The following CADM3 variants were observed in gnomAD, a reference collection of about 807,000 sequenced individuals.
CADM3 encodes the protein TSLC1-like 1.
Under a neutral mutation model 44.9 loss-of-function variants are expected in CADM3, and 11 were observed. The observed-to-expected ratio is 0.25, with a 90% CI of 0.15 to 0.41. The LOEUF (loss-of-function observed/expected upper bound fraction) is 0.41, where lower values mean the gene tolerates loss of function less well. CADM3 is among the 10% of genes least tolerant of loss of function. The pLI, the probability that CADM3 is intolerant of heterozygous loss-of-function variation, is 1.00. For synonymous variants in CADM3, 207 were observed against 205.2 expected (o/e 1.01, Z -0.08); for missense variants, 426 against 512.0 (o/e 0.83, Z 1.62).
chr1:159,173,088 TG>T (rs1648881692), intron 1 of CADM3, among the ~76,000 whole-genome samples: 1 of 149,304 alleles, frequency 6.7e-6, no homozygotes, highest in Non-Finnish European at 1.5e-5. Flanking sequence ...CAAAGGGAAG[TG>T]GGGAGAGTGA....
At chr1:159,193,729 T>C in intron 4 of CADM3, 141 bp from the exon 5 acceptor site, 2 of 1,421,542 alleles carry the variant, frequency 1.4e-6, no homozygotes. Flanking sequence ...ACATTCTCCC[T>C]GCCACAACTT....
At chr1:159,186,480 C>T (rs2102111256) in intron 1 of CADM3, among the ~76,000 whole-genome samples, 1 of 152,286 alleles carries the variant, frequency 6.6e-6, no homozygotes, top group South Asian at 2.1e-4. Context: ...TCCATACCAC[C>T]CATTCAGAGT....
chr1:159,196,518 T>A, intron 6 of CADM3, 64 bp downstream of exon 6: 1 of 1,288,696 alleles, frequency 7.8e-7, no homozygotes, highest in Non-Finnish European at 1.1e-6. Context: ...CTTCTTCACA[T>A]AACAGCTCCT....
intron 1 of CADM3, among the ~76,000 whole-genome samples, chr1:159,179,817 T>C (rs1235038474): frequency 2.6e-5 from 4 of 152,286 alleles, no homozygotes; most frequent in African/African-American, 9.6e-5. Flanking sequence ...ATTTTTTTTT[T>C]GCCCAGCAAA....
At chr1:159,191,297 C>T (rs1418128167) in intron 1 of CADM3, among the ~76,000 whole-genome samples, 1 of 152,152 alleles carries the variant, frequency 6.6e-6, no homozygotes, top group East Asian at 1.9e-4. Context: ...GCGGGTAACA[C>T]TAATACCACG....
intron 5 of CADM3, 28 bp downstream of exon 5, chr1:159,194,068 G>A (rs1412186505): frequency 3.7e-6 from 6 of 1,603,360 alleles, no homozygotes; most frequent in African/African-American, 1.3e-5. Context: ...GGATGAAGAA[G>A]GATGAGGTAT....
At chr1:159,197,819 C>T (rs1292029908) in intron 7 of CADM3, 1 of 152,194 alleles carries the variant, frequency 6.6e-6, no homozygotes, top group Non-Finnish European at 1.5e-5. Flanking sequence ...TTGAGACACT[C>T]ATTAAAACAG....
At chr1:159,189,193 C>T (rs1649547214) in intron 1 of CADM3, among the ~76,000 whole-genome samples, 1 of 152,168 alleles carries the variant, frequency 6.6e-6, no homozygotes, top group Non-Finnish European at 1.5e-5. Flanking sequence ...TAGTCTTCAT[C>T]TCCTATTTGT....
intron 1 of CADM3, among the ~76,000 whole-genome samples, chr1:159,172,775 G>C (rs1648867242): frequency 6.6e-6 from 1 of 152,176 alleles, no homozygotes; most frequent in African/African-American, 2.4e-5. Flanking sequence ...GGAGAAAGGA[G>C]GCGGGGCCAG....
chr1:159,180,851 G>GT (rs1649205734), intron 1 of CADM3, among the ~76,000 whole-genome samples: 1 of 152,098 alleles, frequency 6.6e-6, no homozygotes, highest in Non-Finnish European at 1.5e-5. Context: ...CCACAGCATT[G>GT]TTATCCCACC....
chr1:159,181,213 G>C (rs966027542), intron 1 of CADM3, among the ~76,000 whole-genome samples: 1 of 152,044 alleles, frequency 6.6e-6, no homozygotes. Context: ...TATTACATAT[G>C]TGTGAAAACA....
intron 1 of CADM3, chr1:159,189,730 A>T (rs1192609116): frequency 7.1e-7 from 1 of 1,417,944 alleles, no homozygotes; most frequent in Admixed American, 1.8e-5. Context: ...CTGTAGCAGG[A>T]TACATGTAGG....
rs1450875737 is a variant in CADM3, at chr1:159,199,891, G to C, written c.1078+15G>C. 1.2e-6 allele frequency: 2 copies of C among 1,612,944 alleles called. No individual in the cohort carries two copies. The highest frequency in any genetic ancestry group is 1.7e-6 in the Non-Finnish European group (2 of 1,179,496). ...CCGGCACAAAGGTCAGAGGCACAAA[G>C]AGAGCATCAGCAGAACTTGGGAGGG... On this transcript the variant is annotated intron_variant, in intron 8 of 8. Transcript: ENST00000368125.
intron 1 of CADM3, among the ~76,000 whole-genome samples, chr1:159,187,440 G>C (rs1270348219): frequency 1.3e-5 from 2 of 152,192 alleles, no homozygotes. Flanking sequence ...TTCTGGAGAG[G>C]TATGCTATTT....
At chr1:159,191,179 G>A (rs1250342126) in intron 1 of CADM3, among the ~76,000 whole-genome samples, 3 of 152,160 alleles carry the variant, frequency 2.0e-5, no homozygotes, top group African/African-American at 7.2e-5. Context: ...CTTGACTAAG[G>A]AGAGAAGGAT....
At chr1:159,192,791 A>T (rs1649729146) in intron 3 of CADM3, 61 bp downstream of exon 3, 1 of 1,538,778 alleles carries the variant, frequency 6.5e-7, no homozygotes, top group Admixed American at 2.0e-5. Context: ...ACCTCCCTAG[A>T]TGGGTCCCTG....
At chr1:159,176,517 A>G (rs1649021831) in intron 1 of CADM3, among the ~76,000 whole-genome samples, 1 of 152,218 alleles carries the variant, frequency 6.6e-6, no homozygotes. Context: ...TAAATACTTC[A>G]GGTCATCATA....
chr1:159,198,516 C>A (rs1650005426), intron 7 of CADM3, among the ~76,000 whole-genome samples: 1 of 152,110 alleles, frequency 6.6e-6, no homozygotes, highest in African/African-American at 2.4e-5. Context: ...CATAAAAAAC[C>A]AGAACACAAA....
At chr1:159,188,411 G>T (rs1414266243) in intron 1 of CADM3, among the ~76,000 whole-genome samples, 1 of 151,264 alleles carries the variant, frequency 6.6e-6, no homozygotes, top group African/African-American at 2.4e-5. Flanking sequence ...GGGACCCTAA[G>T]CCCACGTCCC....
Sources: gnomAD v4.1 joint callset for allele counts (sites outside exome capture counted in the v4.1 genomes callset) on GRCh38, gnomAD v4.1.1 for gene constraint, MANE v1.5 for transcripts, NCBI Gene and HGNC (gene_info 2026-07-23, HGNC 2026-07-21) for gene names.